The following POLQ variants were observed in gnomAD, a reference collection of about 807,000 sequenced individuals.
POLQ encodes the protein epididymis secretory sperm binding protein.
A neutral mutation model predicts 259.2 loss-of-function variants in POLQ; 233 were observed. That is an observed-to-expected ratio of 0.90 (90% CI 0.81 to 1.00). The LOEUF (loss-of-function observed/expected upper bound fraction) is 1.00. Ranked by LOEUF, POLQ falls within the 50% of genes least tolerant of loss-of-function variation. The probability of loss-of-function intolerance (pLI) is 0.00; values close to 1 mark genes in which losing one functional copy is unlikely to be tolerated. For missense variants in POLQ, 2,871 were observed against 3,051.6 expected, an observed-to-expected ratio of 0.94 and a Z score of 1.39; for synonymous variants, 1,025 against 1,048.8, an observed-to-expected ratio of 0.98 and a Z score of 0.44.
chr3:121,446,995 T>C lies in POLQ; in HGVS notation c.7264+2320A>G, dbSNP rs6785417. The stretch of plus-strand genomic sequence containing the variant: ...TTAAGGACAACATCATTTTGTTGTT[T>C]ACTGGTTGTTCCATGGTTTTTTTTC... On this transcript the variant is annotated intron_variant, in intron 26 of 29. Transcript: ENST00000264233. Among the ~76,000 whole-genome samples the C allele has an allele frequency of 8.1e-3, 1,232 of 152,234 alleles. 15 individuals are homozygous for C. The highest frequency in any genetic ancestry group is 0.028 in the African/African-American group (1,171 of 41,572).
At chr3:121,533,880 T>C (rs1443305749) in intron 5 of POLQ, among the ~76,000 whole-genome samples, 2 of 151,154 alleles carry the variant, frequency 1.3e-5, no homozygotes, top group Non-Finnish European at 2.9e-5. Flanking sequence ...CATCACTTCA[T>C]GTGTATGAAC....
intron 9 of POLQ, among the ~76,000 whole-genome samples, chr3:121,519,347 T>A (rs969372418): frequency 3.7e-4 from 49 of 132,414 alleles, no homozygotes; most frequent in African/African-American, 1.3e-3. Flanking sequence ...TTGTAGAAAA[T>A]CAACAGTTGA....
intron 25 of POLQ, among the ~76,000 whole-genome samples, chr3:121,452,493 G>GT (rs56099335): frequency 8.9e-4 from 124 of 138,850 alleles, no homozygotes; most frequent in African/African-American, 2.0e-3. Context: ...TGTTACTCCT[G>GT]TTTTTTTTTT....
chr3:121,461,181 A>G (rs566968051), intron 24 of POLQ, among the ~76,000 whole-genome samples: 1 of 152,194 alleles, frequency 6.6e-6, no homozygotes, highest in Admixed American at 6.5e-5. Flanking sequence ...TGTTACTGAG[A>G]AGTAAAATGG....
intron 24 of POLQ, among the ~76,000 whole-genome samples, chr3:121,464,144 T>A (rs187538338): frequency 2.2e-4 from 34 of 152,316 alleles, no homozygotes; most frequent in African/African-American, 8.2e-4. Flanking sequence ...ACAGCATATA[T>A]TTGAGGCTCC....
chr3:121,456,667 A>T (rs1490302704), intron 25 of POLQ, among the ~76,000 whole-genome samples: 1 of 151,554 alleles, frequency 6.6e-6, no homozygotes, highest in Non-Finnish European at 1.5e-5. Flanking sequence ...CTAGGAATCC[A>T]ACTTACAAGG....
chr3:121,507,477 A>G (rs1227198771), intron 12 of POLQ, among the ~76,000 whole-genome samples: 2 of 152,186 alleles, frequency 1.3e-5, no homozygotes, highest in Non-Finnish European at 2.9e-5. Context: ...CTGTAATCCC[A>G]GCACTTTGGG....
At chr3:121,526,617 T>A (rs1337904410) in intron 7 of POLQ, among the ~76,000 whole-genome samples, 3 of 152,174 alleles carry the variant, frequency 2.0e-5, no homozygotes, top group Admixed American at 2.0e-4. Context: ...TGCAGCCTCT[T>A]GGTCTTGCAT....
intron 27 of POLQ, among the ~76,000 whole-genome samples, chr3:121,438,428 C>T (rs908992403): frequency 6.6e-6 from 1 of 152,110 alleles, no homozygotes; most frequent in Non-Finnish European, 1.5e-5. Context: ...ATTATTAGAT[C>T]GAGTCCAAGT....
At chr3:121,514,329 T>G (rs2048278732) in intron 9 of POLQ, among the ~76,000 whole-genome samples, 1 of 105,718 alleles carries the variant, frequency 9.5e-6, no homozygotes, top group African/African-American at 3.8e-5. Flanking sequence ...ATTCCGTGTA[T>G]TAAAAAAAAA....
chr3:121,464,564 A>C (rs926033297), intron 24 of POLQ, among the ~76,000 whole-genome samples: 4 of 152,192 alleles, frequency 2.6e-5, no homozygotes, highest in African/African-American at 9.7e-5. Flanking sequence ...TGAATTTGAC[A>C]TACTGTAGGT....
chr3:121,512,924 G>A (rs2048265576), intron 9 of POLQ, among the ~76,000 whole-genome samples: 1 of 152,090 alleles, frequency 6.6e-6, no homozygotes, highest in South Asian at 2.1e-4. Context: ...TAATCTAAAT[G>A]CTTTATTGTG....
chr3:121,501,887 G>A (rs113423608), intron 12 of POLQ, among the ~76,000 whole-genome samples: 2 of 150,834 alleles, frequency 1.3e-5, no homozygotes, highest in African/African-American at 4.9e-5. Context: ...GGACTCGGGA[G>A]GCTGAGGCAT....
intron 14 of POLQ, 35 bp downstream of exon 14, chr3:121,496,773 T>C (rs760413154): frequency 1.3e-5 from 20 of 1,583,062 alleles, no homozygotes; most frequent in African/African-American, 1.1e-4. Context: ...CAAATCACAG[T>C]ATTAAATAAA....
In POLQ at chr3:121,536,413, TA is replaced by T. The variant is rs1220974882; in HGVS notation, c.740+686del. ...GTAGCCACAATTAGAGATGCTGCTG[TA>T]AATATTTTTAAAAAGCTAGAAGAGT... On this transcript the variant is annotated intron_variant, in intron 5 of 29. Transcript: ENST00000264233. Among the ~76,000 whole-genome samples, 4 of 152,284 alleles carry T rather than the reference TA, an allele frequency of 2.6e-5. No homozygotes were observed. The East Asian group carries it at 7.7e-4, about 29-fold the overall frequency.
rs2047966557 is a variant in POLQ, at chr3:121,481,066, ACT to A, written c.6211+504_6211+505del. Among the ~76,000 whole-genome samples, 5 of 152,228 alleles carry A rather than the reference ACT, an allele frequency of 3.3e-5. 1 individual carries two copies. The South Asian group carries it at 1.0e-3, about 32-fold the overall frequency. ...TTATTTGTCATGAGGGAAAAAAGAG[ACT>A]CTCATGATTATCCCTTGCTGTGAAA... On this transcript the variant is annotated intron_variant, in intron 19 of 29. Transcript: ENST00000264233.
chr3:121,485,089 C>T lies in POLQ; in HGVS notation c.5725G>A (p.Gly1909Arg). The T allele has an allele frequency of 6.2e-7, 1 of 1,612,984 alleles. No individual in the cohort carries two copies. Among genetic ancestry groups the T allele is most frequent in the Non-Finnish European group, 8.5e-7 (1 of 1,179,426 alleles). ...LVVGLAVCWGGRDAYYFSLQK... is the reference protein window; with the variant it reads ...LVVGLAVCWGRRDAYYFSLQK... ...AGTGAAAAATAATAGGCATCCCTTC[C>T]ACCCCAGCATACTGCCAGTCCAACC... Residue 1909 changes from glycine to arginine, a missense_variant, in exon 17 of 30, where the codon GGA (glycine) becomes AGA (arginine). Around this residue, in one of 3 missense-constraint regions of POLQ, gnomAD observed 2,080 missense variants for 2,126.0 expected, o/e 0.98. Transcript: ENST00000264233.
chr3:121,471,752 T>G (rs2047885455), intron 22 of POLQ, among the ~76,000 whole-genome samples: 1 of 151,752 alleles, frequency 6.6e-6, no homozygotes, highest in Non-Finnish European at 1.5e-5. Context: ...AGAGTGAAAC[T>G]CTGTCTCAAA....
intron 8 of POLQ, 96 bp from the exon 9 acceptor site, chr3:121,520,179 T>C (rs2048328091): frequency 4.2e-6 from 3 of 707,034 alleles, no homozygotes; most frequent in Admixed American, 5.1e-5. Context: ...TTCAAGCCTC[T>C]GAAGATTTTT....
Sources: allele counts gnomAD v4.1 joint callset (sites outside exome capture counted in the v4.1 genomes callset), GRCh38; gene constraint gnomAD v4.1.1; regional missense constraint gnomAD v4.1.1; transcripts MANE v1.5; gene names NCBI Gene and HGNC (gene_info 2026-07-23, HGNC 2026-07-21).